The following KCNIP3 variants were observed in gnomAD, a reference collection of about 807,000 sequenced individuals.
KCNIP3 encodes the protein calsenilin.
Under a neutral mutation model 35.0 loss-of-function variants are expected in KCNIP3, and 28 were observed. The observed-to-expected ratio is 0.80, with a 90% CI of 0.59 to 1.10. KCNIP3 has a LOEUF of 1.10. KCNIP3 is among the 50% of genes least tolerant of loss of function. KCNIP3 has a pLI of 0.00. For synonymous variants in KCNIP3, 134 were observed against 133.8 expected (o/e 1.00, Z -0.01); for missense variants, 295 against 338.4 (o/e 0.87, Z 1.01).
intron 2 of KCNIP3, among the ~76,000 whole-genome samples, chr2:95,366,698 T>A (rs1679927425): frequency 6.6e-6 from 1 of 152,164 alleles, no homozygotes; most frequent in Non-Finnish European, 1.5e-5. Flanking sequence ...CCCGACATTG[T>A]CAATATTTGT....
intron 4 of KCNIP3, 33 bp from the exon 5 acceptor site, chr2:95,375,105 G>A (rs1248848658): frequency 7.5e-6 from 12 of 1,609,376 alleles, no homozygotes; most frequent in East Asian, 2.2e-5. Context: ...AGGCAGCCCC[G>A]ACACACCCCA....
intron 2 of KCNIP3, chr2:95,310,743 T>TACAGAGAG (rs1678292613): frequency 1.8e-6 from 1 of 569,040 alleles, no homozygotes; most frequent in Non-Finnish European, 3.2e-6. Context: ...AGAGCATGGG[T>TACAGAGAG]ACAGAGAGCT....
chr2:95,299,418 TC>T (rs1408138518), intron 1 of KCNIP3, among the ~76,000 whole-genome samples: 1 of 152,138 alleles, frequency 6.6e-6, no homozygotes, highest in African/African-American at 2.4e-5. Flanking sequence ...CTCCTCAGGG[TC>T]ACGGTCAGTG....
intron 2 of KCNIP3, among the ~76,000 whole-genome samples, chr2:95,350,032 T>C (rs1679474084): frequency 6.6e-6 from 1 of 152,082 alleles, no homozygotes; most frequent in Admixed American, 6.5e-5. Flanking sequence ...ATGGGCAAGA[T>C]TATGTGTTTG....
chr2:95,314,581 A>G (rs1678405259), intron 2 of KCNIP3, among the ~76,000 whole-genome samples: 1 of 152,200 alleles, frequency 6.6e-6, no homozygotes, highest in African/African-American at 2.4e-5. Context: ...TGGAGAATTC[A>G]CTGGATTTGA....
chr2:95,360,684 C>T (rs997274777), intron 2 of KCNIP3, among the ~76,000 whole-genome samples: 6 of 152,150 alleles, frequency 3.9e-5, no homozygotes, highest in African/African-American at 1.2e-4. Context: ...GAGGGCTTGG[C>T]ATCTGGGGAT....
intron 2 of KCNIP3, among the ~76,000 whole-genome samples, chr2:95,326,274 T>G (rs1335628481): frequency 2.7e-5 from 4 of 149,680 alleles, no homozygotes; most frequent in Non-Finnish European, 1.5e-5. Flanking sequence ...ACACATACAC[T>G]CACTACACAT....
chr2:95,332,450 A>G (rs1216006069), intron 2 of KCNIP3, among the ~76,000 whole-genome samples: 4 of 152,244 alleles, frequency 2.6e-5, no homozygotes, highest in African/African-American at 9.6e-5. Flanking sequence ...GCCATCTCTT[A>G]TTTTGAAAAT....
At chr2:95,360,580 T>C (rs1423888712) in intron 2 of KCNIP3, among the ~76,000 whole-genome samples, 1 of 152,210 alleles carries the variant, frequency 6.6e-6, no homozygotes, top group East Asian at 1.9e-4. Context: ...TTTTCTGTCT[T>C]AGGCTGTTTT....
At chr2:95,343,884 G>C (rs1055605816) in intron 2 of KCNIP3, among the ~76,000 whole-genome samples, 3 of 152,080 alleles carry the variant, frequency 2.0e-5, no homozygotes, top group African/African-American at 7.2e-5. Context: ...GGTTTGGAGT[G>C]ACCCCCCACC....
intron 2 of KCNIP3, among the ~76,000 whole-genome samples, chr2:95,351,016 AGG>A (rs1353326422): frequency 6.6e-6 from 1 of 152,228 alleles, no homozygotes; most frequent in East Asian, 1.9e-4. Flanking sequence ...CTTCGAGGAC[AGG>A]GGCTCTGGGT....
At chr2:95,343,693 G>A (rs1468458028) in intron 2 of KCNIP3, among the ~76,000 whole-genome samples, 1 of 152,204 alleles carries the variant, frequency 6.6e-6, no homozygotes, top group Non-Finnish European at 1.5e-5. Flanking sequence ...GGAAGATGCC[G>A]GGGCAGAGAG....
At chr2:95,320,439 G>A (rs1285730874) in intron 2 of KCNIP3, among the ~76,000 whole-genome samples, 1 of 152,068 alleles carries the variant, frequency 6.6e-6, no homozygotes, top group Non-Finnish European at 1.5e-5. Flanking sequence ...TGGGGTGTGG[G>A]CGGGTCCCGG....
chr2:95,345,768 G>C (rs1679339301), intron 2 of KCNIP3, among the ~76,000 whole-genome samples: 1 of 152,372 alleles, frequency 6.6e-6, no homozygotes, highest in East Asian at 1.9e-4. Context: ...CAAGGACCCC[G>C]GGCTCCGCCC....
intron 2 of KCNIP3, among the ~76,000 whole-genome samples, chr2:95,335,133 TC>T (rs1169384432): frequency 6.6e-6 from 1 of 152,214 alleles, no homozygotes; most frequent in African/African-American, 2.4e-5. Context: ...TCCTTTCAGA[TC>T]ACTGGTCCTG....
intron 2 of KCNIP3, among the ~76,000 whole-genome samples, chr2:95,325,539 G>A (rs868859370): frequency 7.9e-5 from 12 of 152,020 alleles, no homozygotes; most frequent in African/African-American, 1.2e-4. Context: ...GTCCTGGAGC[G>A]AGGCAAGATG....
At chr2:95,315,595 C>T (rs1366949873) in intron 2 of KCNIP3, among the ~76,000 whole-genome samples, 3 of 152,214 alleles carry the variant, frequency 2.0e-5, no homozygotes, top group African/African-American at 4.8e-5. Flanking sequence ...CCTGTGCCTT[C>T]GGCCCTCTCT....
intron 2 of KCNIP3, among the ~76,000 whole-genome samples, chr2:95,323,601 C>T (rs4854250): frequency 0.012 from 1,878 of 152,272 alleles, 128 homozygotes; most frequent in Admixed American, 0.11. Context: ...TGGACCATTT[C>T]ACTCCTTCAA....
At chr2:95,300,261 C>T (rs1449018500) in intron 1 of KCNIP3, among the ~76,000 whole-genome samples, 1 of 152,244 alleles carries the variant, frequency 6.6e-6, no homozygotes, top group African/African-American at 2.4e-5. Context: ...GAGCTAGCTG[C>T]CTCCCATTTT....
Sources: allele counts gnomAD v4.1 joint callset (sites outside exome capture counted in the v4.1 genomes callset), GRCh38; gene constraint gnomAD v4.1.1; transcripts MANE v1.5; gene names NCBI Gene and HGNC (gene_info 2026-07-23, HGNC 2026-07-21).